IL1R1: variants seen among roughly 807,000 people sequenced by gnomAD.
IL1R1 encodes the protein interleukin 1 receptor type 1, also known as interleukin-1 receptor type 1.
A neutral mutation model predicts 50.2 loss-of-function variants in IL1R1; 22 were observed. The ratio of observed to expected loss-of-function variants is 0.44; its 90% CI spans 0.31 to 0.63. The LOEUF is 0.63. IL1R1 is among the 20% of genes least tolerant of loss of function. IL1R1 has a pLI of 0.07. For missense variants in IL1R1, 509 were observed against 676.2 expected (o/e 0.75, Z 2.74); for synonymous variants, 251 against 236.7 (o/e 1.06, Z -0.55).
intron 2 of IL1R1, among the ~76,000 whole-genome samples, 193 bp from the exon 3 acceptor site, chr2:102,157,526 T>G (rs1291975755): frequency 6.6e-6 from 1 of 152,194 alleles, no homozygotes; most frequent in Non-Finnish European, 1.5e-5. Flanking sequence ...TCTTTATCCC[T>G]TTTTGTTCCC....
chr2:102,091,852 T>C (rs985033071), intron 1 of IL1R1, among the ~76,000 whole-genome samples: 24 of 152,216 alleles, frequency 1.6e-4, no homozygotes, highest in Non-Finnish European at 2.8e-4. Flanking sequence ...CTTTTTAAGC[T>C]CCTATACAGA....
In IL1R1 at chr2:102,089,652, T is replaced by C. The variant is rs147941906; in HGVS notation, c.-84+19119T>C. ...TGAGGTACAATAAAGCAAAGTGAAATAAAATGAGGTCTGTTTGTACCTCGT... is the reference window on the plus strand; with the variant it reads ...TGAGGTACAATAAAGCAAAGTGAAACAAAATGAGGTCTGTTTGTACCTCGT... On this transcript the variant is annotated intron_variant, in intron 1 of 11. Coordinates refer to the IL1R1 transcript ENST00000409929. 4.0e-3 allele frequency among the ~76,000 whole-genome samples: 605 copies of C among 152,120 alleles called. 3 individuals are homozygous for C. Among genetic ancestry groups the C allele is most frequent in the African/African-American group, 0.014 (573 of 41,512 alleles).
chr2:102,168,563 G>T, intron 6 of IL1R1, 35 bp from the exon 7 acceptor site: 1 of 1,556,736 alleles, frequency 6.4e-7, no homozygotes, highest in Non-Finnish European at 8.9e-7. Flanking sequence ...TGATCTATAA[G>T]AGACTGACAA....
At chr2:102,134,291 C>T (rs1296925892) in intron 1 of IL1R1, among the ~76,000 whole-genome samples, 2 of 151,978 alleles carry the variant, frequency 1.3e-5, no homozygotes, top group Non-Finnish European at 2.9e-5. Flanking sequence ...TCTTAGGCTG[C>T]TCTCTCTGCA....
intron 8 of IL1R1, 179 bp from the exon 9 acceptor site, chr2:102,172,508 G>T: frequency 1.7e-6 from 2 of 1,164,452 alleles, no homozygotes; most frequent in Non-Finnish European, 2.2e-6. Context: ...AGTGGTCTTG[G>T]GGTTATAAAA....
chr2:102,099,410 T>C (rs1211578149), intron 1 of IL1R1, among the ~76,000 whole-genome samples: 1 of 152,166 alleles, frequency 6.6e-6, no homozygotes, highest in Non-Finnish European at 1.5e-5. Flanking sequence ...GCTTAATCTA[T>C]TGTTATGAAG....
In IL1R1 at chr2:102,097,308, A is replaced by G. The variant is rs1185971053; in HGVS notation, c.-84+26775A>G. Among the ~76,000 whole-genome samples the G allele has an allele frequency of 2.0e-5, 3 of 152,304 alleles. No individual in the cohort carries two copies. The East Asian group carries it at 5.8e-4, about 29-fold the overall frequency. On this transcript the variant is annotated intron_variant, in intron 1 of 11. Transcript: ENST00000409929. Reference sequence around the variant, plus strand: ...ACTAGTGGCTTGGTCCCAACCATAAACAAGGGAGGGTGTCAAATTTGGGGA... The same window carrying G: ...ACTAGTGGCTTGGTCCCAACCATAAGCAAGGGAGGGTGTCAAATTTGGGGA...
At chr2:102,147,723 C>T (rs1683281727) in intron 1 of IL1R1, among the ~76,000 whole-genome samples, 1 of 152,158 alleles carries the variant, frequency 6.6e-6, no homozygotes, top group South Asian at 2.1e-4. Context: ...GTGATCCTGT[C>T]TTTCTGTGTC....
At chr2:102,111,745 C>T (rs933902650) in intron 1 of IL1R1, among the ~76,000 whole-genome samples, 1 of 152,170 alleles carries the variant, frequency 6.6e-6, no homozygotes, top group African/African-American at 2.4e-5. Context: ...GGTAACTCTG[C>T]CCCAGGGGCC....
chr2:102,152,485 A>C, intron 1 of IL1R1, among the ~76,000 whole-genome samples: 1 of 121,064 alleles, frequency 8.3e-6, no homozygotes. Flanking sequence ...AGCCTGGGGG[A>C]CAGAGCAAGA....
chr2:102,110,502 CTCG>C (rs1680696034), intron 1 of IL1R1, among the ~76,000 whole-genome samples: 1 of 139,386 alleles, frequency 7.2e-6, no homozygotes, highest in South Asian at 2.3e-4. Context: ...TCTCCATGTG[CTCG>C]TCAACAGTGC....
intron 1 of IL1R1, among the ~76,000 whole-genome samples, chr2:102,073,473 G>A (rs532539629): frequency 6.6e-6 from 1 of 152,286 alleles, no homozygotes; most frequent in South Asian, 2.1e-4. Context: ...AAATCTCAGT[G>A]ATGAGTTCCT....
At chr2:102,125,299 A>G (rs568921229) in intron 1 of IL1R1, among the ~76,000 whole-genome samples, 1 of 152,300 alleles carries the variant, frequency 6.6e-6, no homozygotes, top group Admixed American at 6.5e-5. Flanking sequence ...CAACAAACAA[A>G]CAAACGAAAC....
intron 1 of IL1R1, among the ~76,000 whole-genome samples, chr2:102,112,047 G>C (rs1326878213): frequency 6.6e-6 from 1 of 152,014 alleles, no homozygotes; most frequent in East Asian, 1.9e-4. Context: ...TCTCTATTAT[G>C]CATCGTCTTT....
At chr2:102,118,665 T>A (rs1324559783) in intron 1 of IL1R1, among the ~76,000 whole-genome samples, 4 of 152,054 alleles carry the variant, frequency 2.6e-5, no homozygotes, top group Non-Finnish European at 4.4e-5. Context: ...GGTGTCAGAG[T>A]ATTCCTTGAC....
chr2:102,074,336 G>T (rs892581398), intron 1 of IL1R1, among the ~76,000 whole-genome samples: 3 of 152,156 alleles, frequency 2.0e-5, no homozygotes, highest in African/African-American at 7.2e-5. Context: ...GCTTTCACAC[G>T]TCTGGTGCTT....
chr2:102,177,189 C>T lies in IL1R1; in HGVS notation c.*430C>T, dbSNP rs200425701. 37 of 189,930 alleles carry T rather than the reference C, an allele frequency of 1.9e-4. No homozygotes were observed. The Middle Eastern group carries it at 4.1e-3, about 21-fold the overall frequency. 11.8% of individuals were successfully genotyped at this position (189,930 alleles called of 1,614,324 possible). On this transcript the variant is annotated 3_prime_UTR_variant, in exon 12 of 12. Transcript: ENST00000410023. ...GCTGAGGCAGGAGAATTGCTTGAAC[C>T]GGGGAGACGGAGGTTGCAGTGAGCC...
At chr2:102,175,273 A>G (rs1385111456) in intron 10 of IL1R1, among the ~76,000 whole-genome samples, 3 of 152,178 alleles carry the variant, frequency 2.0e-5, no homozygotes. Flanking sequence ...AGAAGAACAA[A>G]TTTGCAGTAA....
chr2:102,136,712 A>G (rs868536257), intron 1 of IL1R1, among the ~76,000 whole-genome samples: 32 of 152,222 alleles, frequency 2.1e-4, no homozygotes, highest in African/African-American at 7.5e-4. Flanking sequence ...CCATTCACCT[A>G]TTGCTGAGCT....
Sources: gnomAD v4.1 joint callset for allele counts (sites outside exome capture counted in the v4.1 genomes callset) on GRCh38, gnomAD v4.1.1 for gene constraint, MANE v1.5 for transcripts, NCBI Gene and HGNC (gene_info 2026-07-23, HGNC 2026-07-21) for gene names.